TRPM8: variants seen among roughly 807,000 people sequenced by gnomAD.
TRPM8 encodes the protein transient receptor potential cation channel subfamily M member 8.
A neutral mutation model predicts 133.7 loss-of-function variants in TRPM8; 110 were observed. The ratio of observed to expected loss-of-function variants is 0.82; its 90% CI spans 0.70 to 0.96. TRPM8 has a LOEUF of 0.96. Among genes scored for constraint, TRPM8 ranks in the 40% least tolerant of loss-of-function variants. The pLI is 0.00. For synonymous variants in TRPM8, 535 were observed against 532.3 expected (o/e 1.01, Z -0.07); for missense variants, 1,291 against 1,379.5 (o/e 0.94, Z 1.02).
intron 11 of TRPM8, among the ~76,000 whole-genome samples, chr2:233,956,175 C>A (rs553625565): frequency 2.0e-5 from 3 of 152,120 alleles, no homozygotes; most frequent in East Asian, 3.9e-4. Context: ...CAAGACCATC[C>A]CCCCAGCCTG....
At chr2:233,996,241 C>T in intron 21 of TRPM8, 85 bp from the exon 22 acceptor site, 5 of 1,257,494 alleles carry the variant, frequency 4.0e-6, no homozygotes, top group Non-Finnish European at 5.7e-6. Flanking sequence ...GCAGTAATAG[C>T]TTAATACCAC....
At chr2:233,977,800 G>C (rs778443631) in intron 17 of TRPM8, among the ~76,000 whole-genome samples, 2 of 152,204 alleles carry the variant, frequency 1.3e-5, no homozygotes, top group Non-Finnish European at 2.9e-5. Context: ...TATTGGCAGA[G>C]ACAACTGTAG....
In TRPM8 at chr2:233,947,507, T is replaced by TAC; in HGVS notation, c.942+360_942+361dup. The TAC allele has an allele frequency of 2.3e-6, 3 of 1,312,580 alleles. No homozygotes were observed. The South Asian group carries it at 3.7e-5, about 16-fold the overall frequency. 81.3% of individuals were successfully genotyped at this position (1,312,580 alleles called of 1,614,324 possible). On this transcript the variant is annotated intron_variant, in intron 8 of 25. Transcript: ENST00000324695. ...TCTGCATTGAGATGAGCTGTGATCA[T>TAC]ACACACACAGATTGCCCCCAAACCA...
chr2:233,960,962 A>G lies in TRPM8; in HGVS notation c.1549A>G (p.Asn517Asp). 1.9e-6 allele frequency: 3 copies of G among 1,614,132 alleles called. No individual in the cohort carries two copies. The highest frequency in any genetic ancestry group is 2.5e-6 in the Non-Finnish European group (3 of 1,180,038). The change falls in exon 12 of 26, where the codon AAT becomes GAT. Residue 517 changes from asparagine (N) to aspartate (D), a missense_variant. Asn to Asp is a conservative substitution (Grantham distance 23). This residue lies in a region of TRPM8 where 963 missense variants were observed against 968.9 expected (regional missense o/e 0.99). Coordinates refer to ENST00000324695, the MANE Select transcript of TRPM8 (RefSeq NM_024080.5). ...RNLQIAKNSY[N>D]DALLTFVWKL... ...TCTGCAGATCGCCAAGAATTCCTAT[A>G]ATGATGCCCTCCTCACGTTTGTCTG...
rs1444896548 is a variant in TRPM8 at position 233,942,733 on chromosome 2, G to T, written c.684G>T (p.Arg228Ser). ...TCTCCAACCGGGACACCCTCATCAG[G>T]AATTGCGATGCTGAGGTACCGGTGG... is the stretch of plus-strand genomic sequence containing the variant. ...GMVSNRDTLIRNCDAEGYFLA... is the reference protein window; with the variant it reads ...GMVSNRDTLISNCDAEGYFLA... The change falls in exon 6 of 26, where the codon AGG becomes AGT. Residue 228 changes from arginine (R) to serine (S), a missense_variant. By Grantham distance (110) the Arg-to-Ser change is moderately radical. Transcript: ENST00000324695. The T allele has an allele frequency of 1.2e-6, 2 of 1,613,970 alleles. No individual in the cohort carries two copies. The highest frequency in any genetic ancestry group is 8.5e-7 in the Non-Finnish European group (1 of 1,180,038).
In TRPM8 at chr2:233,963,351, G is replaced by A. The variant is rs267599276; in HGVS notation, c.1723G>A (p.Glu575Lys). The change falls in exon 13 of 26, where the codon GAA becomes AAA. Residue 575 changes from glutamate to lysine, a missense_variant. Glu to Lys is a moderately conservative substitution (Grantham distance 56). Coordinates refer to ENST00000324695, the MANE Select transcript of TRPM8 (RefSeq NM_024080.5). ...CTGGGCCATTCTTCAGAATAAGAAGGAACTCTCCAAAGTCATTTGGGAGCA... is the reference window on the plus strand; with the variant it reads ...CTGGGCCATTCTTCAGAATAAGAAGAAACTCTCCAAAGTCATTTGGGAGCA... ...FIWAILQNKK[E>K]LSKVIWEQTR... The A allele has an allele frequency of 8.7e-6, 14 of 1,612,758 alleles. No homozygotes were observed. In the South Asian group the frequency reaches 1.4e-4, roughly 16 times the overall value.
Position 234,006,918 on chromosome 2 carries a change from A to C in TRPM8, c.3196A>C (p.Lys1066Gln), listed in dbSNP as rs750654383. ...EGVMKENYLV[K>Q]INTKANDTSE... Reference sequence around the variant, plus strand: ...TGTCATGAAGGAAAACTACCTTGTCAAGATCAACACAAAAGCCAACGACAC... The same window carrying C: ...TGTCATGAAGGAAAACTACCTTGTCCAGATCAACACAAAAGCCAACGACAC... Residue 1066 changes from lysine to glutamine, a missense_variant, in exon 23 of 26, where the codon AAG becomes CAG. By Grantham distance (53) the Lys-to-Gln change is moderately conservative. Around this residue, in one of 2 missense-constraint regions of TRPM8, gnomAD observed 328 missense variants for 410.6 expected, o/e 0.80. Coordinates refer to ENST00000324695, the MANE Select transcript of TRPM8 (RefSeq NM_024080.5). 8.1e-6 allele frequency: 13 copies of C among 1,614,004 alleles called. No individual in the cohort carries two copies. Among genetic ancestry groups the C allele is most frequent in the Non-Finnish European group, 1.1e-5 (13 of 1,179,912 alleles).
At chr2:234,011,774 G>A (rs1054785076) in intron 24 of TRPM8, among the ~76,000 whole-genome samples, 40 of 151,844 alleles carry the variant, frequency 2.6e-4, no homozygotes, top group Non-Finnish European at 4.3e-4. Context: ...AAAATTAGCC[G>A]GGTGTGGTGG....
chr2:233,964,577 A>G (rs1559531580), intron 13 of TRPM8, 51 bp from the exon 14 acceptor site: 6 of 1,231,802 alleles, frequency 4.9e-6, no homozygotes, highest in East Asian at 2.9e-5. Flanking sequence ...AAAAAAAAAA[A>G]GAAAAGGAAA....
chr2:234,005,605 C>T (rs557794237), intron 22 of TRPM8, among the ~76,000 whole-genome samples: 1 of 152,036 alleles, frequency 6.6e-6, no homozygotes, highest in Non-Finnish European at 1.5e-5. Flanking sequence ...TACATATTTG[C>T]TATGTGGAAT....
intron 5 of TRPM8, among the ~76,000 whole-genome samples, chr2:233,939,471 A>G (rs1690850157): frequency 6.6e-6 from 1 of 152,182 alleles, no homozygotes; most frequent in African/African-American, 2.4e-5. Context: ...AGTTTTACCC[A>G]GAATTTCGGT....
At position 233,960,991 on chromosome 2, in the gene TRPM8, A is replaced by G. The variant is rs750978045; in HGVS notation, c.1578A>G (p.Lys526=). 3 of 1,614,150 alleles carry G rather than the reference A, an allele frequency of 1.9e-6. No homozygotes were observed. The Admixed American group carries it at 5.0e-5, about 27-fold the overall frequency. Residue 526 remains lysine, a synonymous_variant, in exon 12 of 26, where the codon AAA becomes AAG. Coordinates refer to ENST00000324695, the MANE Select transcript of TRPM8 (RefSeq NM_024080.5). ...ATGCCCTCCTCACGTTTGTCTGGAA[A>G]CTGGTTGCGAACTTCCGAAGAGGCT... ...YNDALLTFVW[K]LVANFRRGFR...
chr2:233,996,031 A>G (rs2125348047), intron 21 of TRPM8, among the ~76,000 whole-genome samples: 1 of 152,156 alleles, frequency 6.6e-6, no homozygotes, highest in East Asian at 1.9e-4. Flanking sequence ...ATAAAAAAAG[A>G]GAATCATTGA....
intron 25 of TRPM8, among the ~76,000 whole-genome samples, chr2:234,015,661 A>C (rs1444601189): frequency 6.6e-6 from 1 of 152,224 alleles, no homozygotes; most frequent in Non-Finnish European, 1.5e-5. Flanking sequence ...GTTATAGCTC[A>C]TATTAAAAAG....
chr2:233,954,013 T>C lies in TRPM8; in HGVS notation c.1237T>C (p.Tyr413His), dbSNP rs375244833. The C allele has an allele frequency of 2.5e-6, 4 of 1,599,108 alleles. No individual in the cohort carries two copies. The highest frequency in any genetic ancestry group is 2.2e-5 in the East Asian group (1 of 44,604). Residue 413 changes from tyrosine to histidine, a missense_variant, in exon 10 of 26, where the codon TAC becomes CAC. Transcript: ENST00000324695. Reference sequence around the variant, plus strand: ...GAGCAATGCCATCTCCTACGCTCTATACAAAGGTGAGTAAAAATAGCTCCT... The same window carrying C: ...GAGCAATGCCATCTCCTACGCTCTACACAAAGGTGAGTAAAAATAGCTCCT... ...IVSNAISYAL[Y>H]KAFSTSEQDK... is the part of the protein sequence containing the mutation.
At chr2:233,968,379 C>T (rs372099891) in intron 15 of TRPM8, 2 of 152,440 alleles carry the variant, frequency 1.3e-5, no homozygotes, top group East Asian at 1.9e-4. Flanking sequence ...ACTGTGGGCA[C>T]CCGGGGCTCA....
At chr2:233,995,570 A>C (rs1260324857) in intron 21 of TRPM8, among the ~76,000 whole-genome samples, 2 of 152,238 alleles carry the variant, frequency 1.3e-5, no homozygotes, top group Non-Finnish European at 2.9e-5. Flanking sequence ...TGTAAGTACA[A>C]GTTTGAGCCT....
At chr2:233,930,287 C>G (rs1226416111) in intron 2 of TRPM8, among the ~76,000 whole-genome samples, 1 of 152,108 alleles carries the variant, frequency 6.6e-6, no homozygotes, top group Non-Finnish European at 1.5e-5. Flanking sequence ...AATATGTCTT[C>G]TTTTAAACAG....
chr2:233,955,714 A>G (rs1213774160), intron 11 of TRPM8, among the ~76,000 whole-genome samples: 1 of 152,202 alleles, frequency 6.6e-6, no homozygotes, highest in Non-Finnish European at 1.5e-5. Context: ...CATAAGAGAC[A>G]AATAGAACAA....
Sources: allele counts gnomAD v4.1 joint callset (sites outside exome capture counted in the v4.1 genomes callset), GRCh38; gene constraint gnomAD v4.1.1; regional missense constraint gnomAD v4.1.1; transcripts MANE v1.5; gene names NCBI Gene and HGNC (gene_info 2026-07-23, HGNC 2026-07-21).